Variants in DHCR7 observed in about 807,000 individuals in gnomAD.
The protein encoded by DHCR7 is 7-dehydrocholesterol reductase, also known as 7-DHC reductase.
DHCR7 carries 40 observed loss-of-function variants against 43.3 expected under a neutral mutation model. That is an observed-to-expected ratio of 0.92 (90% CI 0.72 to 1.20). The LOEUF (loss-of-function observed/expected upper bound fraction) is 1.20, where lower values mean the gene tolerates loss of function less well. DHCR7 is among the 50% of genes most tolerant of loss of function. The probability of loss-of-function intolerance (pLI) is 0.00; values close to 1 mark genes in which losing one functional copy is unlikely to be tolerated. For missense variants in DHCR7, 608 were observed against 644.6 expected (o/e 0.94, Z 0.62); for synonymous variants, 298 against 271.4 (o/e 1.10, Z -0.96).
rs767847651 is a variant in DHCR7 at position 71,435,612 on chromosome 11, C to G, written c.1191G>C (p.Ser397=). Residue 397 remains serine, a synonymous_variant, in exon 9 of 9, where the codon TCG becomes TCC. Transcript: ENST00000355527. ...AGTGGCGGGCCACGCCCCAGAAGCC[C>G]GACACCAGCAGCTTGCTGTGGTGCC... ...GQRHHSKLLV[S]GFWGVARHFN... 1.2e-6 allele frequency: 2 copies of G among 1,609,750 alleles called. No homozygotes were observed. The highest frequency in any genetic ancestry group is 1.7e-6 in the Non-Finnish European group (2 of 1,179,706).
intron 6 of DHCR7, among the ~76,000 whole-genome samples, chr11:71,439,652 A>G (rs1318487234): frequency 6.6e-6 from 1 of 152,240 alleles, no homozygotes; most frequent in African/African-American, 2.4e-5. Context: ...CCGGAGGGCC[A>G]GAGCATCAGC....
downstream of DHCR7, among the ~76,000 whole-genome samples, chr11:71,427,825 A>C (rs539024409): frequency 4.6e-5 from 7 of 152,286 alleles, no homozygotes; most frequent in African/African-American, 1.2e-4. Context: ...AGGGAAGCTC[A>C]TTTGAGATTA....
rs1398761569 is a variant in DHCR7 at position 71,435,168 on chromosome 11, C to A, written c.*207G>T. 1.4e-6 allele frequency: 1 copy of A among 703,318 alleles called. No individual in the cohort carries two copies. Among genetic ancestry groups the A allele is most frequent in the South Asian group, 1.5e-5 (1 of 66,980 alleles). 43.6% of individuals were successfully genotyped at this position (703,318 alleles called of 1,614,324 possible). A position where few individuals can be genotyped will look rare whatever the true frequency, so the allele number is the denominator to read the frequency against. On this transcript the variant is annotated 3_prime_UTR_variant, in exon 9 of 9. Coordinates refer to ENST00000355527, the MANE Select transcript of DHCR7 (RefSeq NM_001360.3). ...AAATCCGTCTGTGCTGGCAATACGG[C>A]AGTGCTGGACACTCGGAATTCCCTT...
chr11:71,441,526 C>T (rs1023141549), intron 5 of DHCR7, 86 bp from the exon 6 acceptor site: 13 of 1,193,120 alleles, frequency 1.1e-5, no homozygotes, highest in Admixed American at 4.0e-5. Context: ...TGGCGGGGGC[C>T]CTGGTCACTT....
downstream of DHCR7, among the ~76,000 whole-genome samples, chr11:71,431,394 T>A (rs1449330620): frequency 6.6e-6 from 1 of 152,238 alleles, no homozygotes; most frequent in Non-Finnish European, 1.5e-5. Flanking sequence ...CACCTCTGTC[T>A]GCTGGGCATT....
intron 3 of DHCR7, among the ~76,000 whole-genome samples, chr11:71,444,532 C>T (rs906902994): frequency 5.9e-5 from 9 of 152,210 alleles, no homozygotes; most frequent in African/African-American, 1.9e-4. Context: ...AGGATACTCA[C>T]CCTGCACGAA....
rs767872725 is a variant in DHCR7 at position 71,438,896 on chromosome 11, G to A, written c.814C>T (p.Leu272=). The change falls in exon 7 of 9, where the codon CTG becomes TTG. Residue 272 remains leucine, a synonymous_variant. Transcript: ENST00000355527. ...ACAGGCACCTGCAGGACGTTGACCAGGACCATGGCATTGGTCACATGGCTG... is the reference window on the plus strand; with the variant it reads ...ACAGGCACCTGCAGGACGTTGACCAAGACCATGGCATTGGTCACATGGCTG... ...LHSHVTNAMV[L]VNVLQAIYVI... 2 of 1,613,840 alleles carry A rather than the reference G, an allele frequency of 1.2e-6. No homozygotes were observed. Among genetic ancestry groups the A allele is most frequent in the South Asian group, 1.1e-5 (1 of 91,084 alleles).
At position 71,437,940 on chromosome 11, in the gene DHCR7, T is replaced by C. The variant is rs752010614; in HGVS notation, c.835A>G (p.Ile279Val). ...AMVLVNVLQA[I>V]YVIDFFWNET... ...TTCCAGAAGAAGTCAATCACGTAGA[T>C]GGCCTGCAAGACAGAAGCAGCCGCT... is the stretch of plus-strand genomic sequence containing the variant. The change falls in exon 8 of 9, where the codon ATC (isoleucine) becomes GTC (valine). Residue 279 changes from isoleucine to valine, a missense_variant. By Grantham distance (29) the Ile-to-Val change is conservative. Coordinates refer to ENST00000355527, the MANE Select transcript of DHCR7 (RefSeq NM_001360.3). 2.0e-5 allele frequency: 32 copies of C among 1,613,014 alleles called. No individual in the cohort carries two copies. Among genetic ancestry groups the C allele is most frequent in the Admixed American group, 8.3e-5 (5 of 60,014 alleles).
Position 71,435,409 on chromosome 11 carries a change from G to A in DHCR7, c.1394C>T (p.Ala465Val), listed in dbSNP as rs1219768413. Residue 465 changes from alanine (A) to valine (V), a missense_variant, in exon 9 of 9, where the codon GCA becomes GTA. By Grantham distance (64) the Ala-to-Val change is moderately conservative. Coordinates refer to ENST00000355527, the MANE Select transcript of DHCR7 (RefSeq NM_001360.3). ...TCCAGGCAGCAGGCGGTAAGGCACTGCGGCGGTGTAGCGCTCCCAGTCCCG... is the reference window on the plus strand; with the variant it reads ...TCCAGGCAGCAGGCGGTAAGGCACTACGGCGGTGTAGCGCTCCCAGTCCCG... ...YGRDWERYTA[A>V]VPYRLLPGIF The A allele has an allele frequency of 1.9e-6, 3 of 1,612,626 alleles. No homozygotes were observed. Among genetic ancestry groups the A allele is most frequent in the Non-Finnish European group, 2.5e-6 (3 of 1,179,990 alleles).
chr11:71,430,175 G>C (rs1436198030), downstream of DHCR7, among the ~76,000 whole-genome samples: 1 of 152,264 alleles, frequency 6.6e-6, no homozygotes, highest in Non-Finnish European at 1.5e-5. Context: ...TCTCCTCAAT[G>C]AGGCCTCTTG....
chr11:71,448,589 C>G (rs781197778), upstream of DHCR7: 21 of 152,396 alleles, frequency 1.4e-4, no homozygotes, highest in African/African-American at 4.6e-4. Context: ...CCCACCGGCC[C>G]GCCCGGGCCC....
intron 2 of DHCR7, among the ~76,000 whole-genome samples, chr11:71,446,839 C>T (rs1325648998): frequency 6.6e-6 from 1 of 152,250 alleles, no homozygotes. Flanking sequence ...ATACTGAATA[C>T]AGAGCCTGGC....
Position 71,435,069 on chromosome 11 carries a change from AC to A in DHCR7, c.*305del, listed in dbSNP as rs1949256303. Reference sequence around the variant, plus strand: ...GTGTAGCGTGGCCTGGGCTCCTAATACAGGTAAATTGTCTCCAAAGGACTAG... The same window carrying A: ...GTGTAGCGTGGCCTGGGCTCCTAATAAGGTAAATTGTCTCCAAAGGACTAG... On this transcript the variant is annotated 3_prime_UTR_variant, in exon 9 of 9. Transcript: ENST00000355527. The A allele has an allele frequency of 1.7e-6, 1 of 582,150 alleles. No homozygotes were observed. Among genetic ancestry groups the A allele is most frequent in the Non-Finnish European group, 3.3e-6 (1 of 307,448 alleles). The allele number at this position is 582,150 out of a possible 1,614,324, so 36.1% of individuals were successfully genotyped here.
At chr11:71,429,548 C>A (rs775856612), downstream of DHCR7, among the ~76,000 whole-genome samples, 1 of 152,094 alleles carries the variant, frequency 6.6e-6, no homozygotes. Flanking sequence ...TCTGATGGAA[C>A]GTGGCGTGAG....
At position 71,435,644 on chromosome 11, in the gene DHCR7, C is replaced by T. The variant is rs765707139; in HGVS notation, c.1159G>A (p.Gly387Arg). ...AGCAGCTTGCTGTGGTGCCTCTGCC[C>T]ATCGGCGGATGTGTAGGAGCACTCG... ...VIECSYTSAD[G>R]QRHHSKLLVS... The change falls in exon 9 of 9, where the codon GGG becomes AGG. Residue 387 changes from glycine to arginine, a missense_variant. Coordinates refer to ENST00000355527, the MANE Select transcript of DHCR7 (RefSeq NM_001360.3). The T allele has an allele frequency of 6.8e-6, 11 of 1,612,550 alleles. No homozygotes were observed. The highest frequency in any genetic ancestry group is 2.2e-5 in the East Asian group (1 of 44,880).
chr11:71,436,746 T>G (rs1368265807), intron 8 of DHCR7, among the ~76,000 whole-genome samples: 7 of 152,162 alleles, frequency 4.6e-5, no homozygotes, highest in Non-Finnish European at 2.9e-5. Context: ...GATCTTGGAC[T>G]TGTCACTCTT....
At chr11:71,436,844 A>G (rs953793558) in intron 8 of DHCR7, among the ~76,000 whole-genome samples, 4 of 152,210 alleles carry the variant, frequency 2.6e-5, no homozygotes, top group Non-Finnish European at 4.4e-5. Context: ...GAAACCTAAT[A>G]TATAGTATAA....
At chr11:71,427,704 T>C (rs1333617830), downstream of DHCR7, among the ~76,000 whole-genome samples, 1 of 152,192 alleles carries the variant, frequency 6.6e-6, no homozygotes, top group Non-Finnish European at 1.5e-5. Flanking sequence ...GAGTAGAGTC[T>C]GGGGGAGACC....
chr11:71,438,477 GCT>G (rs998253292), intron 7 of DHCR7, among the ~76,000 whole-genome samples: 12 of 152,112 alleles, frequency 7.9e-5, no homozygotes, highest in Admixed American at 5.9e-4. Flanking sequence ...GCTCCTGAAC[GCT>G]CTCTGGTCAG....
Sources: gnomAD v4.1 joint callset for allele counts (sites outside exome capture counted in the v4.1 genomes callset) on GRCh38, gnomAD v4.1.1 for gene constraint, MANE v1.5 for transcripts, NCBI Gene and HGNC (gene_info 2026-07-23, HGNC 2026-07-21) for gene names.